The following GALNT13 variants were observed in gnomAD, a reference collection of about 807,000 sequenced individuals.
GALNT13 encodes the protein UDP-GalNAc:polypeptide N-acetylgalactosaminyltransferase 13.
GALNT13 carries 28 observed loss-of-function variants against 64.2 expected under a neutral mutation model. The ratio of observed to expected loss-of-function variants is 0.44; its 90% confidence interval spans 0.32 to 0.60. The LOEUF is 0.60. GALNT13 is among the 20% of genes least tolerant of loss of function. The pLI is 0.05. For synonymous variants in GALNT13, 214 were observed against 224.6 expected, an observed-to-expected ratio of 0.95 and a Z score of 0.42; for missense variants, 577 against 669.8, an observed-to-expected ratio of 0.86 and a Z score of 1.53.
chr2:154,227,132 C>T (rs1471256831), intron 4 of GALNT13, among the ~76,000 whole-genome samples: 1 of 152,036 alleles, frequency 6.6e-6, no homozygotes, highest in Admixed American at 6.6e-5. Context: ...AGGCTCAGTA[C>T]ATTCATGCAG....
At chr2:153,510,457 A>C in the GALNT13 span, among the ~76,000 whole-genome samples, 5 of 152,284 alleles carry the variant, frequency 3.3e-5, no homozygotes, top group African/African-American at 9.6e-5. Flanking sequence ...CTTGTATTCT[A>C]TCTGAGAAGA....
chr2:153,334,319 T>C, the GALNT13 span, among the ~76,000 whole-genome samples: 1 of 152,132 alleles, frequency 6.6e-6, no homozygotes. Flanking sequence ...GCAAGAAAAA[T>C]ATTCATTTAA....
At chr2:154,100,736 C>A (rs1283796252) in intron 3 of GALNT13, among the ~76,000 whole-genome samples, 1 of 152,014 alleles carries the variant, frequency 6.6e-6, no homozygotes, top group Non-Finnish European at 1.5e-5. Flanking sequence ...AATTCCAGTA[C>A]TGTGTTGAAT....
intron 9 of GALNT13, among the ~76,000 whole-genome samples, chr2:154,358,014 G>C (rs752113521): frequency 6.6e-6 from 1 of 151,900 alleles, no homozygotes; most frequent in African/African-American, 2.4e-5. Flanking sequence ...TCTGAGCTTT[G>C]AGTGGAATGT....
At chr2:153,893,265 T>C (rs138596383) in intron 1 of GALNT13, among the ~76,000 whole-genome samples, 87 of 152,226 alleles carry the variant, frequency 5.7e-4, no homozygotes, top group African/African-American at 2.0e-3. Context: ...ATTTTGTTTC[T>C]TACTTATGTT....
intron 2 of GALNT13, among the ~76,000 whole-genome samples, chr2:153,941,806 T>C (rs1691358753): frequency 6.6e-6 from 1 of 152,114 alleles, no homozygotes; most frequent in African/African-American, 2.4e-5. Context: ...AATTTCCAAA[T>C]TAAAAAATAC....
At chr2:153,241,986 A>G in the GALNT13 span, among the ~76,000 whole-genome samples, 1 of 151,994 alleles carries the variant, frequency 6.6e-6, no homozygotes, top group Non-Finnish European at 1.5e-5. Flanking sequence ...TGTCCTTAAG[A>G]GCTTAACCTT....
chr2:153,781,030 G>A, the GALNT13 span, among the ~76,000 whole-genome samples: 3 of 152,146 alleles, frequency 2.0e-5, no homozygotes, highest in Non-Finnish European at 2.9e-5. Flanking sequence ...CATAAACTTG[G>A]TCCTGAGAGG....
the GALNT13 span, among the ~76,000 whole-genome samples, chr2:153,790,144 G>A: frequency 6.6e-6 from 1 of 152,138 alleles, no homozygotes; most frequent in East Asian, 1.9e-4. Context: ...GAAAACTTCA[G>A]GCCAGTATAC....
At chr2:153,732,747 C>T in the GALNT13 span, among the ~76,000 whole-genome samples, 2 of 152,120 alleles carry the variant, frequency 1.3e-5, no homozygotes, top group South Asian at 2.1e-4. Flanking sequence ...TATGAACTAA[C>T]CCAACTCTGA....
At chr2:153,606,020 ATAT>A in the GALNT13 span, among the ~76,000 whole-genome samples, 1 of 152,062 alleles carries the variant, frequency 6.6e-6, no homozygotes. Flanking sequence ...AAACCAGGCA[ATAT>A]TGAGTTCCCC....
At chr2:154,249,238 T>A (rs1544824) in intron 7 of GALNT13, among the ~76,000 whole-genome samples, 28,266 of 152,146 alleles carry the variant, frequency 0.19, 3,296 homozygotes, top group East Asian at 0.3. Flanking sequence ...CTATTTGTAT[T>A]CCATGCATAC....
the GALNT13 span, among the ~76,000 whole-genome samples, chr2:153,431,296 G>A: frequency 6.6e-6 from 1 of 152,030 alleles, no homozygotes; most frequent in African/African-American, 2.4e-5. Context: ...CATCTTTCCA[G>A]ATTTTTTCTG....
chr2:153,402,931 C>G, the GALNT13 span, among the ~76,000 whole-genome samples: 9 of 152,230 alleles, frequency 5.9e-5, no homozygotes, highest in African/African-American at 1.9e-4. Flanking sequence ...CTCAGCTCGT[C>G]AAAGTCATTC....
the GALNT13 span, among the ~76,000 whole-genome samples, chr2:153,550,553 C>A: frequency 6.6e-6 from 1 of 152,072 alleles, no homozygotes; most frequent in Non-Finnish European, 1.5e-5. Context: ...ATTTTGCTGT[C>A]ACAGTCTGCA....
At chr2:153,712,090 A>G in the GALNT13 span, among the ~76,000 whole-genome samples, 1 of 152,198 alleles carries the variant, frequency 6.6e-6, no homozygotes, top group Non-Finnish European at 1.5e-5. Context: ...CTGAAATTGT[A>G]ATCATATTCC....
chr2:154,235,525 T>C (rs529806278), intron 4 of GALNT13, among the ~76,000 whole-genome samples: 1 of 152,298 alleles, frequency 6.6e-6, no homozygotes, highest in Admixed American at 6.5e-5. Flanking sequence ...TTGGGAAACA[T>C]AGAAACCACA....
intron 4 of GALNT13, among the ~76,000 whole-genome samples, chr2:154,208,657 TG>T (rs1559025763): frequency 1.5e-3 from 213 of 142,262 alleles, no homozygotes; most frequent in African/African-American, 5.4e-3. Context: ...TGTGTGTGTG[TG>T]TGTGTGTGTG....
At chr2:153,165,476 T>A in the GALNT13 span, among the ~76,000 whole-genome samples, 18 of 152,368 alleles carry the variant, frequency 1.2e-4, no homozygotes, top group Non-Finnish European at 2.4e-4. Context: ...TGAAAATCTT[T>A]TGCAGCATTA....
Sources: gnomAD v4.1 joint callset for allele counts (sites outside exome capture counted in the v4.1 genomes callset) on GRCh38, gnomAD v4.1.1 for gene constraint, MANE v1.5 for transcripts, NCBI Gene and HGNC (gene_info 2026-07-23, HGNC 2026-07-21) for gene names.